Variants in ARL15 observed in about 807,000 individuals in gnomAD.
ARL15 encodes the protein ADP-ribosylation factor-like protein 15.
In ARL15, 19 loss-of-function variants were observed where a neutral mutation model predicts 25.2. The observed-to-expected ratio is 0.75, with a 90% CI of 0.53 to 1.10. The LOEUF is 1.10. Among genes scored for constraint, ARL15 ranks in the 50% least tolerant of loss-of-function variants. ARL15 has a pLI of 0.00. For missense variants in ARL15, 220 were observed against 246.0 expected (o/e 0.89, Z 0.71); for synonymous variants, 94 against 86.8 (o/e 1.08, Z -0.46).
intron 4 of ARL15, among the ~76,000 whole-genome samples, chr5:53,944,063 G>C (rs894036864): frequency 1.3e-5 from 2 of 152,188 alleles, no homozygotes; most frequent in Admixed American, 1.3e-4. Flanking sequence ...GTGAAGGATA[G>C]AAAATGAATT....
intron 3 of ARL15, among the ~76,000 whole-genome samples, chr5:54,125,610 C>T (rs192847428): frequency 2.5e-4 from 38 of 152,226 alleles, no homozygotes; most frequent in African/African-American, 8.7e-4. Flanking sequence ...TTGGTTATTG[C>T]GAATAGAGTG....
chr5:54,176,018 G>C (rs757517766), intron 1 of ARL15, among the ~76,000 whole-genome samples: 1 of 152,010 alleles, frequency 6.6e-6, no homozygotes, highest in South Asian at 2.1e-4. Context: ...TCATATAACC[G>C]AATGTCATAA....
At chr5:54,099,632 G>A (rs935801016) in intron 4 of ARL15, among the ~76,000 whole-genome samples, 5 of 152,012 alleles carry the variant, frequency 3.3e-5, no homozygotes, top group African/African-American at 1.2e-4. Context: ...GCACTCCCAT[G>A]ACACTTACTC....
intron 1 of ARL15, among the ~76,000 whole-genome samples, chr5:54,224,162 G>A (rs1745474254): frequency 1.3e-5 from 2 of 152,170 alleles, no homozygotes; most frequent in South Asian, 4.1e-4. Flanking sequence ...AAGGAGGCCG[G>A]GGTAACCGTC....
chr5:54,052,977 C>G (rs1750743748), intron 4 of ARL15, among the ~76,000 whole-genome samples: 1 of 152,116 alleles, frequency 6.6e-6, no homozygotes, highest in Non-Finnish European at 1.5e-5. Flanking sequence ...AAAAAATCAC[C>G]TAAAACCCCA....
chr5:53,954,551 A>G (rs1162710255), intron 4 of ARL15, among the ~76,000 whole-genome samples: 3 of 152,186 alleles, frequency 2.0e-5, no homozygotes, highest in Non-Finnish European at 2.9e-5. Flanking sequence ...GCCACAGAAC[A>G]GTTTCCTTTC....
At chr5:54,172,814 TAG>T (rs1754759218) in intron 1 of ARL15, among the ~76,000 whole-genome samples, 1 of 152,214 alleles carries the variant, frequency 6.6e-6, no homozygotes. Context: ...AATCATTAAA[TAG>T]AGTCTCTATA....
At chr5:54,084,437 A>AAAG (rs1751895775) in intron 4 of ARL15, among the ~76,000 whole-genome samples, 1 of 151,552 alleles carries the variant, frequency 6.6e-6, no homozygotes, top group Non-Finnish European at 1.5e-5. Context: ...AAAAAAAAAA[A>AAAG]AGAGAGACTG....
intron 3 of ARL15, among the ~76,000 whole-genome samples, chr5:54,133,766 TG>T (rs1753511564): frequency 6.6e-6 from 1 of 151,880 alleles, no homozygotes; most frequent in Non-Finnish European, 1.5e-5. Context: ...ACCTAACAAT[TG>T]GAAGAAGATG....
intron 1 of ARL15, among the ~76,000 whole-genome samples, chr5:54,291,790 T>C (rs1561297810): frequency 6.6e-6 from 1 of 152,190 alleles, no homozygotes; most frequent in Non-Finnish European, 1.5e-5. Context: ...TCTGGTGCTA[T>C]CACCTCCTGC....
intron 4 of ARL15, among the ~76,000 whole-genome samples, chr5:53,947,217 T>TGTGTG: frequency 7.4e-6 from 1 of 135,986 alleles, no homozygotes; most frequent in Non-Finnish European, 1.6e-5. Context: ...TGTGTGTGTG[T>TGTGTG]GTGTTGAGGG....
intron 1 of ARL15, among the ~76,000 whole-genome samples, chr5:54,186,455 T>G (rs1329941379): frequency 2.0e-5 from 3 of 152,192 alleles, no homozygotes; most frequent in Non-Finnish European, 4.4e-5. Context: ...TGAGAGTTAT[T>G]TAAAGGTGTG....
chr5:54,097,300 AGTGAGACTCCATCTC>A (rs1311153232), intron 4 of ARL15, among the ~76,000 whole-genome samples: 2 of 3,668 alleles, frequency 5.5e-4, no homozygotes, highest in African/African-American at 9.0e-4. Flanking sequence ...CTGGTGACAG[AGTGAGACTCCATCTC>A]AAAAAACAAA....
At chr5:53,898,866 C>T (rs1280180744) in intron 4 of ARL15, among the ~76,000 whole-genome samples, 7 of 151,902 alleles carry the variant, frequency 4.6e-5, no homozygotes, top group Non-Finnish European at 1.0e-4. Flanking sequence ...GCTGCCCAGG[C>T]TGGTCTCGAA....
intron 1 of ARL15, among the ~76,000 whole-genome samples, chr5:54,301,455 C>T (rs10940375): frequency 0.68 from 103,591 of 151,942 alleles, 36,148 homozygotes; most frequent in Middle Eastern, 0.75. Context: ...GAGGAGGAAG[C>T]GTGCAGGGAA....
intron 4 of ARL15, among the ~76,000 whole-genome samples, chr5:53,966,756 G>A (rs1250898695): frequency 2.0e-5 from 3 of 152,232 alleles, no homozygotes; most frequent in Non-Finnish European, 4.4e-5. Flanking sequence ...GGTGGTTTGA[G>A]AGTTTTTCCC....
intron 1 of ARL15, among the ~76,000 whole-genome samples, chr5:54,191,167 C>G (rs1028755179): frequency 1.3e-5 from 2 of 152,148 alleles, no homozygotes; most frequent in Non-Finnish European, 2.9e-5. Flanking sequence ...CAGCATGTTT[C>G]AACCCTGAGG....
chr5:54,172,631 T>C (rs1443188797), intron 1 of ARL15, among the ~76,000 whole-genome samples: 2 of 152,160 alleles, frequency 1.3e-5, no homozygotes, highest in African/African-American at 2.4e-5. Context: ...ATGTCCACAA[T>C]TAACTGGCTC....
At chr5:54,268,517 C>T (rs534981107) in intron 1 of ARL15, among the ~76,000 whole-genome samples, 28 of 152,318 alleles carry the variant, frequency 1.8e-4, no homozygotes, top group Admixed American at 1.4e-3. Context: ...TGAGGAATTG[C>T]GTTCCTTTGG....
Sources: allele counts gnomAD v4.1 joint callset (sites outside exome capture counted in the v4.1 genomes callset), GRCh38; gene constraint gnomAD v4.1.1; transcripts MANE v1.5; gene names NCBI Gene and HGNC (gene_info 2026-07-23, HGNC 2026-07-21).